PEX14: variants seen among roughly 807,000 people sequenced by gnomAD.
PEX14 encodes the protein peroxisomal membrane protein PEX14.
Under a neutral mutation model 49.5 loss-of-function variants are expected in PEX14, and 15 were observed. The observed-to-expected ratio is 0.30, with a 90% CI of 0.20 to 0.47. The LOEUF (loss-of-function observed/expected upper bound fraction) is 0.47, where lower values mean the gene tolerates loss of function less well. Among genes scored for constraint, PEX14 ranks in the 20% least tolerant of loss-of-function variants. The pLI, the probability that PEX14 is intolerant of heterozygous loss-of-function variation, is 1.00. For missense variants in PEX14, 398 were observed against 494.8 expected, an observed-to-expected ratio of 0.80 and a Z score of 1.86; for synonymous variants, 210 against 212.7, an observed-to-expected ratio of 0.99 and a Z score of 0.11.
chr1:10,577,563 T>TATGTATATATATATATATATATA lies in PEX14; in HGVS notation c.170-21675_170-21674insATGTATATATATATATATATATA, dbSNP rs1557854885. ...ATATATATATATATATATATATATA[T>TATGTATATATATATATATATATA]TTTTTTTTTTTTTTTTTTTTTTTTT... On this transcript the variant is annotated intron_variant, in intron 3 of 8. Coordinates refer to ENST00000356607, the MANE Select transcript of PEX14 (RefSeq NM_004565.3). Among the ~76,000 whole-genome samples, 2 of 2,460 alleles carry TATGTATATATATATATATATATA rather than the reference T, an allele frequency of 8.1e-4. 1 individual carries two copies. The highest frequency in any genetic ancestry group is 3.0e-3 in the African/African-American group (2 of 668). The allele number at this position is 2,460 out of a possible 152,430, so 1.6% of individuals were successfully genotyped here.
At chr1:10,567,168 T>C (rs939852325) in intron 3 of PEX14, among the ~76,000 whole-genome samples, 5 of 152,168 alleles carry the variant, frequency 3.3e-5, no homozygotes, top group African/African-American at 1.2e-4. Flanking sequence ...CTCCTAACTT[T>C]AAAAAAATGT....
At position 10,529,910 on chromosome 1, in the gene PEX14, G is replaced by T. The variant is rs1487542114; in HGVS notation, c.85-6303G>T. 3.3e-5 allele frequency among the ~76,000 whole-genome samples: 5 copies of T among 152,174 alleles called. No individual in the cohort carries two copies. The highest frequency in any genetic ancestry group is 7.3e-5 in the Non-Finnish European group (5 of 68,034). ...TTGTAACCCAAATCAACAATGGGAA[G>T]GACACAGTGACAAAACCCAGGAAAT... On this transcript the variant is annotated intron_variant, in intron 2 of 8. Coordinates refer to ENST00000356607, the MANE Select transcript of PEX14 (RefSeq NM_004565.3). This position sits in a 1 kb window ranked among gnomAD's most constrained non-coding sequence, Gnocchi z 4.2.
At chr1:10,616,172 T>G (rs555467019) in intron 4 of PEX14, among the ~76,000 whole-genome samples, 158 of 152,118 alleles carry the variant, frequency 1.0e-3, no homozygotes, top group African/African-American at 3.5e-3. Flanking sequence ...AGAGTGCCAT[T>G]CAGCAGCCCT....
intron 3 of PEX14, among the ~76,000 whole-genome samples, chr1:10,549,994 T>C (rs1201669142): frequency 6.6e-6 from 1 of 152,214 alleles, no homozygotes; most frequent in Non-Finnish European, 1.5e-5. Flanking sequence ...ATTGAGTGCA[T>C]GTATCTTACA....
intron 4 of PEX14, among the ~76,000 whole-genome samples, chr1:10,603,517 G>A (rs960615483): frequency 2.6e-5 from 4 of 152,076 alleles, no homozygotes; most frequent in African/African-American, 9.7e-5. Flanking sequence ...CAGTGCTCTC[G>A]GGGGCTAGAA....
intron 4 of PEX14, among the ~76,000 whole-genome samples, chr1:10,615,439 A>T (rs1448002887): frequency 1.3e-5 from 2 of 152,238 alleles, no homozygotes; most frequent in African/African-American, 4.8e-5. Context: ...ATCAATGCAA[A>T]TTAGAACTAG....
intron 3 of PEX14, among the ~76,000 whole-genome samples, chr1:10,546,669 A>G (rs908730132): frequency 6.7e-6 from 1 of 150,268 alleles, no homozygotes; most frequent in Admixed American, 6.7e-5. Context: ...GATTGAGACC[A>G]TCCTGGCCAA....
intron 3 of PEX14, among the ~76,000 whole-genome samples, chr1:10,586,703 G>A (rs1640503241): frequency 7.4e-6 from 1 of 134,300 alleles, no homozygotes; most frequent in Admixed American, 8.7e-5. Context: ...GCAGTGGCGT[G>A]ATCTCTGCTC....
rs939589779 is a variant in PEX14, at chr1:10,613,716, C to T, written c.299-4616C>T. On this transcript the variant is annotated intron_variant, in intron 4 of 8. Transcript: ENST00000356607. This position sits in a 1 kb window ranked among gnomAD's most constrained non-coding sequence, Gnocchi z 5.0. The stretch of plus-strand genomic sequence containing the variant: ...TGGATTCTTTGGGGCTCACAAAGCC[C>T]TGCCACCTTCAGTCAGTGCTTGATA... Among the ~76,000 whole-genome samples the T allele has an allele frequency of 3.3e-5, 5 of 152,200 alleles. No homozygotes were observed. The highest frequency in any genetic ancestry group is 7.4e-5 in the Non-Finnish European group (5 of 68,026).
chr1:10,537,997 A>G (rs1317021931), intron 3 of PEX14, among the ~76,000 whole-genome samples: 1 of 152,256 alleles, frequency 6.6e-6, no homozygotes, highest in African/African-American at 2.4e-5. Flanking sequence ...CAATTCATCC[A>G]AGAGTCATTG....
chr1:10,523,825 TAAAAAAA>T (rs59324356), intron 2 of PEX14, among the ~76,000 whole-genome samples: 1 of 132,368 alleles, frequency 7.6e-6, no homozygotes, highest in African/African-American at 2.9e-5. Flanking sequence ...TCCTTTTAGT[TAAAAAAA>T]AAAAAAAAAA....
rs1478932836 is a variant in PEX14, at chr1:10,630,438, TCCCTCCCTGGGC to T, written c.*454_*465del. 8.8e-5 allele frequency: 15 copies of T among 170,096 alleles called. No homozygotes were observed. The highest frequency in any genetic ancestry group is 8.1e-4 in the Admixed American group (14 of 17,242). The allele number at this position is 170,096 out of a possible 1,614,324, so 10.5% of individuals were successfully genotyped here. ...GTCCCTCTGGTGTCTGCCATCCCCC[TCCCTCCCTGGGC>T]CCGGCCCTGGACCCGTCAGGTGCCT... On this transcript the variant is annotated 3_prime_UTR_variant, in exon 9 of 9. Coordinates refer to ENST00000356607, the MANE Select transcript of PEX14 (RefSeq NM_004565.3). This position sits in a 1 kb window ranked among gnomAD's most constrained non-coding sequence, Gnocchi z 4.1.
chr1:10,583,383 C>CTTT (rs34977896), intron 3 of PEX14, among the ~76,000 whole-genome samples: 8 of 127,944 alleles, frequency 6.3e-5, no homozygotes, highest in South Asian at 5.3e-4. Flanking sequence ...TTGCACCCAG[C>CTTT]TTTTTTTTTT....
chr1:10,563,081 T>A (rs1302615595), intron 3 of PEX14, among the ~76,000 whole-genome samples: 1 of 486 alleles, frequency 2.1e-3, no homozygotes, highest in Non-Finnish European at 0.062. Context: ...CTGGCTAATT[T>A]TTTTTTTTTT....
intron 2 of PEX14, among the ~76,000 whole-genome samples, chr1:10,497,102 T>TTTTTTATA (rs1209391026): frequency 3.9e-5 from 6 of 152,154 alleles, no homozygotes; most frequent in African/African-American, 1.4e-4. Context: ...GTTTATTAAA[T>TTTTTTATA]TTTTTATATT....
intron 3 of PEX14, among the ~76,000 whole-genome samples, chr1:10,582,522 A>T (rs758392240): frequency 6.6e-6 from 1 of 152,166 alleles, no homozygotes; most frequent in Non-Finnish European, 1.5e-5. Context: ...GGGTGATCAC[A>T]GAGGAGCTTT....
intron 2 of PEX14, among the ~76,000 whole-genome samples, chr1:10,534,277 CTGGCG>C (rs1638734326): frequency 1.3e-5 from 2 of 152,264 alleles, no homozygotes; most frequent in South Asian, 4.2e-4. Context: ...GCTGTGCAGA[CTGGCG>C]CTGACCCTGG....
At chr1:10,515,875 G>C (rs955250036) in intron 2 of PEX14, among the ~76,000 whole-genome samples, 2 of 152,246 alleles carry the variant, frequency 1.3e-5, no homozygotes, top group East Asian at 1.9e-4. Flanking sequence ...TTGAAGACTG[G>C]ATCTAATGGG....
intron 7 of PEX14, among the ~76,000 whole-genome samples, chr1:10,624,677 C>T (rs1641694483): frequency 6.6e-6 from 1 of 152,176 alleles, no homozygotes; most frequent in African/African-American, 2.4e-5. Context: ...ATGTCACCTC[C>T]CAACAGGAGG....
Sources: gnomAD v4.1 joint callset for allele counts (sites outside exome capture counted in the v4.1 genomes callset) on GRCh38, gnomAD v4.1.1 for gene constraint, Gnocchi (gnomAD v3.1) non-coding constraint, MANE v1.5 for transcripts, NCBI Gene and HGNC (gene_info 2026-07-23, HGNC 2026-07-21) for gene names.